Variants in ATF7IP2 observed in about 807,000 individuals in gnomAD.
ATF7IP2 encodes activating transcription factor 7-interacting protein 2.
In ATF7IP2, 42 loss-of-function variants were observed where a neutral mutation model predicts 64.2. The observed-to-expected ratio is 0.65, with a 90% confidence interval of 0.51 to 0.85. The LOEUF is 0.85. Ranked by LOEUF, ATF7IP2 falls within the 40% of genes least tolerant of loss-of-function variation. The pLI, the probability that ATF7IP2 is intolerant of heterozygous loss-of-function variation, is 0.00. For synonymous variants in ATF7IP2, 308 were observed against 272.8 expected (o/e 1.13, Z -1.27); for missense variants, 933 against 784.2 (o/e 1.19, Z -2.27).
chr16:10,444,510 T>A (rs75649024), intron 8 of ATF7IP2, among the ~76,000 whole-genome samples: 1 of 152,270 alleles, frequency 6.6e-6, no homozygotes, highest in East Asian at 1.9e-4. Flanking sequence ...CCTTGGGTCC[T>A]AAGAGAAGAC....
At chr16:10,476,497 T>C (rs2050013047) in intron 12 of ATF7IP2, among the ~76,000 whole-genome samples, 1 of 152,122 alleles carries the variant, frequency 6.6e-6, no homozygotes, top group South Asian at 2.1e-4. Context: ...TGTGTGTGTG[T>C]GTTTTTTTTT....
intron 1 of ATF7IP2, among the ~76,000 whole-genome samples, chr16:10,394,705 A>G (rs1567422626): frequency 6.6e-6 from 1 of 152,218 alleles, no homozygotes; most frequent in Non-Finnish European, 1.5e-5. Flanking sequence ...AATCAGTACT[A>G]AAAAGAAACT....
At chr16:10,425,225 GTTT>G (rs35528504) in intron 3 of ATF7IP2, among the ~76,000 whole-genome samples, 5 of 134,706 alleles carry the variant, frequency 3.7e-5, no homozygotes, top group African/African-American at 8.2e-5. Context: ...TGCCTGGCTA[GTTT>G]TTTTTTTTTT....
At chr16:10,396,056 A>G (rs1423881869) in intron 1 of ATF7IP2, among the ~76,000 whole-genome samples, 1 of 152,230 alleles carries the variant, frequency 6.6e-6, no homozygotes, top group East Asian at 1.9e-4. Flanking sequence ...AGCCAGTTCA[A>G]CAAAGTTGAA....
At chr16:10,405,087 G>C (rs2047609420) in intron 1 of ATF7IP2, among the ~76,000 whole-genome samples, 1 of 152,084 alleles carries the variant, frequency 6.6e-6, no homozygotes, top group Non-Finnish European at 1.5e-5. Context: ...ATTTGGCTGG[G>C]TGCCGTGGCT....
In ATF7IP2 at chr16:10,412,315, G is replaced by A. The variant is rs561496104; in HGVS notation, c.-241-2259G>A. Among the ~76,000 whole-genome samples, 3 of 152,018 alleles carry A rather than the reference G, an allele frequency of 2.0e-5. No individual in the cohort carries two copies. The South Asian group carries it at 6.2e-4, about 32-fold the overall frequency. ...AGACTTTTTGATTTAGGCATTTAGG[G>A]CTATGAACTTTCCTCCTAGCCCCGC... On this transcript the variant is annotated intron_variant, in intron 1 of 13. Transcript: ENST00000562102.
intron 12 of ATF7IP2, among the ~76,000 whole-genome samples, chr16:10,476,784 G>C (rs2050026064): frequency 6.6e-6 from 1 of 151,996 alleles, no homozygotes; most frequent in South Asian, 2.1e-4. Flanking sequence ...GCGTTACTTT[G>C]CTGAGGATAA....
intron 5 of ATF7IP2, 55 bp downstream of exon 5, chr16:10,431,510 G>C: frequency 7.9e-7 from 1 of 1,261,176 alleles, no homozygotes; most frequent in East Asian, 2.4e-5. Context: ...CTTTTCTTTA[G>C]GGTATTTTAA....
At chr16:10,425,155 T>A (rs568035487) in intron 3 of ATF7IP2, among the ~76,000 whole-genome samples, 1 of 149,232 alleles carries the variant, frequency 6.7e-6, no homozygotes, top group African/African-American at 2.5e-5. Flanking sequence ...GCCTCCCGGG[T>A]TCAAGCGATT....
intron 1 of ATF7IP2, among the ~76,000 whole-genome samples, chr16:10,412,526 A>G (rs369548776): frequency 1.3e-5 from 2 of 152,006 alleles, no homozygotes; most frequent in African/African-American, 2.4e-5. Flanking sequence ...TTTTTCCACT[A>G]TGGTCTGAGA....
intron 8 of ATF7IP2, among the ~76,000 whole-genome samples, chr16:10,456,927 C>T (rs900106314): frequency 1.3e-5 from 2 of 152,164 alleles, no homozygotes; most frequent in African/African-American, 2.4e-5. Context: ...TGCAAGTTCT[C>T]AACCAAAGCT....
At chr16:10,449,247 A>T (rs1309390316) in intron 8 of ATF7IP2, 1 of 152,182 alleles carries the variant, frequency 6.6e-6, no homozygotes, top group African/African-American at 2.4e-5. Flanking sequence ...ATTGATGTTC[A>T]TCAGGGATAT....
intron 12 of ATF7IP2, among the ~76,000 whole-genome samples, chr16:10,478,309 T>C (rs1458512112): frequency 1.3e-5 from 2 of 151,306 alleles, no homozygotes; most frequent in Admixed American, 6.6e-5. Flanking sequence ...AACAGAGATA[T>C]AGATCAATGG....
At chr16:10,415,170 C>T (rs2047846493) in intron 2 of ATF7IP2, among the ~76,000 whole-genome samples, 1 of 152,128 alleles carries the variant, frequency 6.6e-6, no homozygotes, top group Non-Finnish European at 1.5e-5. Flanking sequence ...GAATAGCCAA[C>T]ACTATTCTGA....
At chr16:10,443,638 T>C (rs2048705226) in intron 8 of ATF7IP2, among the ~76,000 whole-genome samples, 1 of 152,186 alleles carries the variant, frequency 6.6e-6, no homozygotes, top group Admixed American at 6.5e-5. Flanking sequence ...AGTTTTGTCA[T>C]TGGGAAGGGG....
intron 1 of ATF7IP2, among the ~76,000 whole-genome samples, chr16:10,397,938 A>G (rs1199737758): frequency 6.6e-6 from 1 of 152,132 alleles, no homozygotes; most frequent in African/African-American, 2.4e-5. Flanking sequence ...GCACATCACT[A>G]ATATTCATGG....
In ATF7IP2 at chr16:10,453,061, C is replaced by T. The variant is rs1596555410; in HGVS notation, c.1195-4311C>T. ...CTGCCGAGCCAGAACACTTGGCTCC[C>T]TGGCTTCAGCCCCCTTTGCAGGAAG... On this transcript the variant is annotated intron_variant, in intron 8 of 13. Coordinates refer to ENST00000562102, the MANE Select transcript of ATF7IP2 (RefSeq NM_001393719.1). Among the ~76,000 whole-genome samples, 8 of 152,332 alleles carry T rather than the reference C, an allele frequency of 5.3e-5. 1 individual carries two copies. The highest frequency in any genetic ancestry group is 5.2e-4 in the Admixed American group (8 of 15,300).
chr16:10,400,186 G>A (rs923505792), intron 1 of ATF7IP2, among the ~76,000 whole-genome samples: 2 of 151,930 alleles, frequency 1.3e-5, no homozygotes, highest in Admixed American at 6.6e-5. Flanking sequence ...GATTACAGGC[G>A]CCTGCCACCA....
At chr16:10,457,636 C>G (rs2049225500) in intron 9 of ATF7IP2, 107 bp downstream of exon 9, 1 of 860,284 alleles carries the variant, frequency 1.2e-6, no homozygotes, top group African/African-American at 1.8e-5. Flanking sequence ...TTAACATTCA[C>G]TCTTAAAATG....
Sources: gnomAD v4.1 joint callset for allele counts (sites outside exome capture counted in the v4.1 genomes callset) on GRCh38, gnomAD v4.1.1 for gene constraint, MANE v1.5 for transcripts, NCBI Gene and HGNC (gene_info 2026-07-23, HGNC 2026-07-21) for gene names.